The following LAMA2 variants were observed in gnomAD, a reference collection of about 807,000 sequenced individuals.
LAMA2 encodes laminin subunit alpha 2.
Under a neutral mutation model 364.8 loss-of-function variants are expected in LAMA2, and 269 were observed. The observed-to-expected ratio is 0.74, with a 90% CI of 0.67 to 0.82. The LOEUF (loss-of-function observed/expected upper bound fraction) is 0.82, where lower values mean the gene tolerates loss of function less well. Among genes scored for constraint, LAMA2 ranks in the 40% least tolerant of loss-of-function variants. The probability of loss-of-function intolerance (pLI) is 0.00; values close to 1 mark genes in which losing one functional copy is unlikely to be tolerated. For missense variants in LAMA2, 3,807 were observed against 3,873.2 expected, an observed-to-expected ratio of 0.98 and a Z score of 0.45; for synonymous variants, 1,379 against 1,370.6, an observed-to-expected ratio of 1.01 and a Z score of -0.14.
At chr6:129,501,295 C>CGAAT (rs1443469230) in intron 58 of LAMA2, among the ~76,000 whole-genome samples, 2 of 152,086 alleles carry the variant, frequency 1.3e-5, no homozygotes, top group Non-Finnish European at 2.9e-5. Flanking sequence ...TTCAGCTGTG[C>CGAAT]GAATGAATAG....
chr6:129,280,754 T>C (rs1764394604), intron 18 of LAMA2, among the ~76,000 whole-genome samples: 1 of 152,194 alleles, frequency 6.6e-6, no homozygotes, highest in Admixed American at 6.5e-5. Flanking sequence ...TTTGAAGAAA[T>C]AATTCTTCTA....
chr6:129,179,406 G>A (rs555465894), intron 10 of LAMA2, among the ~76,000 whole-genome samples: 1 of 152,176 alleles, frequency 6.6e-6, no homozygotes, highest in South Asian at 2.1e-4. Context: ...TCATACAGTG[G>A]TGATGTCTGG....
intron 1 of LAMA2, among the ~76,000 whole-genome samples, chr6:128,918,170 A>G (rs1475081178): frequency 6.6e-6 from 1 of 152,204 alleles, no homozygotes; most frequent in Admixed American, 6.5e-5. Context: ...TTTAGAAGTA[A>G]GAAAATATAA....
intron 32 of LAMA2, among the ~76,000 whole-genome samples, chr6:129,353,745 C>G (rs1006825888): frequency 3.3e-5 from 5 of 152,318 alleles, no homozygotes; most frequent in African/African-American, 1.2e-4. Context: ...TTGTAATCGA[C>G]TGGACAGATA....
At chr6:129,141,742 G>T (rs189283171) in intron 4 of LAMA2, among the ~76,000 whole-genome samples, 1 of 152,164 alleles carries the variant, frequency 6.6e-6, no homozygotes, top group African/African-American at 2.4e-5. Context: ...GAAAATTCCA[G>T]TGGGTGACCT....
chr6:128,904,849 G>T (rs1777321104), intron 1 of LAMA2, among the ~76,000 whole-genome samples: 1 of 152,156 alleles, frequency 6.6e-6, no homozygotes, highest in Non-Finnish European at 1.5e-5. Context: ...AATATAATAA[G>T]CATTGTTAAT....
chr6:129,341,628 A>T (rs935137111), intron 29 of LAMA2, among the ~76,000 whole-genome samples: 2 of 152,278 alleles, frequency 1.3e-5, no homozygotes, highest in African/African-American at 4.8e-5. Flanking sequence ...AGTGCATTCC[A>T]TGTAGCTCTT....
intron 34 of LAMA2, among the ~76,000 whole-genome samples, chr6:129,374,449 G>A (rs961028126): frequency 6.6e-6 from 1 of 152,162 alleles, no homozygotes; most frequent in Non-Finnish European, 1.5e-5. Flanking sequence ...TTGGTCTGGG[G>A]TAGAGTCAGA....
intron 3 of LAMA2, among the ~76,000 whole-genome samples, chr6:129,089,517 A>C (rs6921064): frequency 0.13 from 19,588 of 152,260 alleles, 1,360 homozygotes; most frequent in South Asian, 0.17. Flanking sequence ...TGACAGTTTC[A>C]TTGAAAGGAC....
In LAMA2 at chr6:129,511,533, A is replaced by C. The variant is rs149551218; in HGVS notation, c.8858-830A>C. 4.1e-3 allele frequency among the ~76,000 whole-genome samples: 627 copies of C among 152,306 alleles called. 6 individuals carry two copies. Among genetic ancestry groups the C allele is most frequent in the Non-Finnish European group, 6.4e-3 (438 of 68,006 alleles). On this transcript the variant is annotated intron_variant, in intron 62 of 64. Transcript: ENST00000421865. The stretch of plus-strand genomic sequence containing the variant: ...GTAGAACAAAAGTCTTTCATGTAAC[A>C]GCTACCATCCTTCATTGCAGACAGC...
intron 32 of LAMA2, among the ~76,000 whole-genome samples, chr6:129,353,650 G>T (rs1776993317): frequency 6.6e-6 from 1 of 152,112 alleles, no homozygotes; most frequent in East Asian, 1.9e-4. Context: ...CCATCTCAGG[G>T]TTTACAGTTT....
chr6:129,450,050 T>C (rs1351958321), intron 45 of LAMA2, among the ~76,000 whole-genome samples: 1 of 151,802 alleles, frequency 6.6e-6, no homozygotes, highest in East Asian at 2.0e-4. Context: ...GTGATCCGCC[T>C]GCCTTGGCCT....
At chr6:128,918,949 C>T (rs10499145) in intron 1 of LAMA2, among the ~76,000 whole-genome samples, 12,617 of 152,104 alleles carry the variant, frequency 0.083, 985 homozygotes, top group African/African-American at 0.2. Context: ...AATGTATCAA[C>T]GTAGGTAATA....
rs1188856515 is a variant in LAMA2, at chr6:129,159,239, A to G, written c.1206+4556A>G. 14 of 864,668 alleles carry G rather than the reference A, an allele frequency of 1.6e-5. No homozygotes were observed. In the East Asian group the frequency reaches 3.2e-4, roughly 20 times the overall value. 53.6% of individuals were successfully genotyped at this position (864,668 alleles called of 1,614,324 possible). A position where few individuals can be genotyped will look rare whatever the true frequency, so the allele number is the denominator to read the frequency against. ...TTGTAAAAGATCGCAAGCACTTGAC[A>G]ATGACTTCAACTCCCACTGCTTTCT... On this transcript the variant is annotated intron_variant, in intron 8 of 64. Transcript: ENST00000421865.
chr6:129,074,355 C>T (rs1177955877), intron 3 of LAMA2, among the ~76,000 whole-genome samples: 1 of 152,220 alleles, frequency 6.6e-6, no homozygotes, highest in Admixed American at 6.5e-5. Context: ...CACATCCTAG[C>T]TGACTTCATA....
At chr6:129,281,414 A>T (rs1391427932) in intron 18 of LAMA2, among the ~76,000 whole-genome samples, 1 of 152,122 alleles carries the variant, frequency 6.6e-6, no homozygotes, top group African/African-American at 2.4e-5. Flanking sequence ...GGTGAGCATA[A>T]TCTCTGATGT....
chr6:129,194,801 C>T (rs950993585), intron 12 of LAMA2, among the ~76,000 whole-genome samples: 1 of 152,164 alleles, frequency 6.6e-6, no homozygotes, highest in Non-Finnish European at 1.5e-5. Flanking sequence ...TACCACAGTA[C>T]ATCTTAACTG....
At chr6:129,423,149 C>A (rs1781161888) in intron 40 of LAMA2, among the ~76,000 whole-genome samples, 4 of 151,702 alleles carry the variant, frequency 2.6e-5, no homozygotes, top group African/African-American at 9.7e-5. Context: ...TTTTTAAAAA[C>A]TGCCTACTAA....
At chr6:129,459,892 G>T (rs1041909111) in intron 48 of LAMA2, among the ~76,000 whole-genome samples, 1 of 152,016 alleles carries the variant, frequency 6.6e-6, no homozygotes, top group African/African-American at 2.4e-5. Context: ...TGTGGAGAAG[G>T]TCAGCAGCTC....
Sources: gnomAD v4.1 joint callset for allele counts (sites outside exome capture counted in the v4.1 genomes callset) on GRCh38, gnomAD v4.1.1 for gene constraint, MANE v1.5 for transcripts, NCBI Gene and HGNC (gene_info 2026-07-23, HGNC 2026-07-21) for gene names.